Variants in TEX9 observed in about 807,000 individuals in gnomAD.
TEX9 encodes the protein testis expressed 9, also known as testis-expressed protein 9.
In TEX9, 74 loss-of-function variants were observed where a neutral mutation model predicts 59.6. The ratio of observed to expected loss-of-function variants is 1.24; its 90% CI spans 1.03 to 1.51. The LOEUF (loss-of-function observed/expected upper bound fraction) is 1.51. TEX9 is among the 40% of genes most tolerant of loss of function. TEX9 has a pLI of 0.00. For synonymous variants in TEX9, 186 were observed against 152.2 expected, an observed-to-expected ratio of 1.22 and a Z score of -1.64; for missense variants, 522 against 447.8, an observed-to-expected ratio of 1.17 and a Z score of -1.49.
At chr15:56,407,932 C>T (rs1007197228) in intron 9 of TEX9, among the ~76,000 whole-genome samples, 2 of 152,226 alleles carry the variant, frequency 1.3e-5, no homozygotes, top group Admixed American at 6.5e-5. Context: ...CACTTGTGCA[C>T]TGGATTCTAT....
chr15:56,282,327 T>C (rs1451246185), intron 1 of TEX9, among the ~76,000 whole-genome samples: 6 of 152,154 alleles, frequency 3.9e-5, no homozygotes, highest in Non-Finnish European at 7.4e-5. Flanking sequence ...TCTGCAAGAA[T>C]AGAAGTAAAC....
intron 1 of TEX9, among the ~76,000 whole-genome samples, chr15:56,273,751 T>TTGGA (rs749202714): frequency 4.7e-4 from 71 of 152,218 alleles, no homozygotes; most frequent in Non-Finnish European, 8.8e-4. Context: ...AAATATTTCT[T>TTGGA]TCCATTCTTT....
exon 9 of TEX9, chr15:56,394,777 C>A: frequency 6.2e-7 from 1 of 1,612,884 alleles, no homozygotes; most frequent in Non-Finnish European, 8.5e-7. Flanking sequence ...AAACTCTTTT[C>A]GAAGAAGCAA....
At chr15:56,429,281 A>T in intron 12 of TEX9, 2 of 798,942 alleles carry the variant, frequency 2.5e-6, no homozygotes, top group Non-Finnish European at 4.0e-6. Flanking sequence ...AGATTAGTAA[A>T]GTTATCTCCA....
chr15:56,430,791 A>G (rs2050568651), intron 12 of TEX9, among the ~76,000 whole-genome samples: 1 of 152,200 alleles, frequency 6.6e-6, no homozygotes, highest in South Asian at 2.1e-4. Context: ...TTTCATACAC[A>G]TTCTCATCTT....
chr15:56,288,224 G>A (rs1451003953), intron 1 of TEX9, among the ~76,000 whole-genome samples: 3 of 151,950 alleles, frequency 2.0e-5, no homozygotes, highest in Non-Finnish European at 4.4e-5. Context: ...ATTCTAAGAG[G>A]TGTGAGGTGA....
At chr15:56,327,843 C>G (rs893572399) in intron 1 of TEX9, among the ~76,000 whole-genome samples, 1 of 152,106 alleles carries the variant, frequency 6.6e-6, no homozygotes, top group African/African-American at 2.4e-5. Flanking sequence ...ACCTGAGTTC[C>G]AACATGCCTC....
At chr15:56,265,462 C>T (rs1030762157) in intron 1 of TEX9, among the ~76,000 whole-genome samples, 1 of 152,074 alleles carries the variant, frequency 6.6e-6, no homozygotes, top group Non-Finnish European at 1.5e-5. Flanking sequence ...TATAAGCTAC[C>T]ATGCCTTTCT....
intron 9 of TEX9, chr15:56,398,265 G>A (rs1465794967): frequency 6.6e-6 from 1 of 151,954 alleles, no homozygotes; most frequent in Non-Finnish European, 1.5e-5. Flanking sequence ...TTTTTGTATT[G>A]GTTATATGTT....
chr15:56,254,640 A>C (rs2044102227), intron 1 of TEX9, among the ~76,000 whole-genome samples: 1 of 151,904 alleles, frequency 6.6e-6, no homozygotes. Context: ...AGAATAATCC[A>C]ATACAAGAAT....
intron 1 of TEX9, among the ~76,000 whole-genome samples, chr15:56,289,918 G>A (rs1021996779): frequency 6.6e-6 from 1 of 152,244 alleles, no homozygotes; most frequent in Non-Finnish European, 1.5e-5. Context: ...CATGCTCGGA[G>A]TTACAAAGTC....
chr15:56,319,116 A>G (rs1016690193), intron 1 of TEX9, among the ~76,000 whole-genome samples: 12 of 152,050 alleles, frequency 7.9e-5, no homozygotes, highest in Admixed American at 2.6e-4. Context: ...GAAATTTTAA[A>G]AATCTGTATC....
At chr15:56,444,474 A>G in intron 12 of TEX9, 2 of 1,607,658 alleles carry the variant, frequency 1.2e-6, no homozygotes, top group Non-Finnish European at 8.5e-7. Flanking sequence ...CTTCCTAACA[A>G]TTTCATCAAT....
chr15:56,455,407 G>T, the TEX9 span, among the ~76,000 whole-genome samples: 1 of 152,088 alleles, frequency 6.6e-6, no homozygotes, highest in Non-Finnish European at 1.5e-5. Context: ...GATTAGAGTT[G>T]TGGAGCCAGA....
At chr15:56,434,219 T>G in intron 12 of TEX9, 1 of 1,613,988 alleles carries the variant, frequency 6.2e-7, no homozygotes, top group African/African-American at 1.3e-5. Flanking sequence ...TCATTCTTTG[T>G]TTCTGAGCAT....
intron 1 of TEX9, among the ~76,000 whole-genome samples, chr15:56,336,265 C>T (rs1480446740): frequency 6.6e-6 from 1 of 152,126 alleles, no homozygotes. Flanking sequence ...TCCCCACCCC[C>T]CATTCATGTT....
At chr15:56,379,623 G>T (rs953476604) in intron 3 of TEX9, among the ~76,000 whole-genome samples, 7 of 152,188 alleles carry the variant, frequency 4.6e-5, no homozygotes, top group Admixed American at 2.0e-4. Flanking sequence ...GATCTGTCCA[G>T]TGCTAAAAGT....
intron 12 of TEX9, among the ~76,000 whole-genome samples, chr15:56,433,549 GGT>G (rs2050657131): frequency 6.6e-6 from 1 of 151,914 alleles, no homozygotes; most frequent in Non-Finnish European, 1.5e-5. Flanking sequence ...ACATCTCTCG[GGT>G]GGATCCCTTA....
At chr15:56,348,974 T>C (rs2046525180) in intron 1 of TEX9, among the ~76,000 whole-genome samples, 1 of 152,046 alleles carries the variant, frequency 6.6e-6, no homozygotes, top group African/African-American at 2.4e-5. Flanking sequence ...CGGACCTATC[T>C]TCAGGTTCAC....
Sources: gnomAD v4.1 joint callset for allele counts (sites outside exome capture counted in the v4.1 genomes callset) on GRCh38, gnomAD v4.1.1 for gene constraint, MANE v1.5 for transcripts, NCBI Gene and HGNC (gene_info 2026-07-23, HGNC 2026-07-21) for gene names.